TM9SF4: variants seen among roughly 807,000 people sequenced by gnomAD.
TM9SF4 encodes dinucleotide oxidase disulfide thiol exchanger 3 superfamily member 4.
In TM9SF4, 26 loss-of-function variants were observed where a neutral mutation model predicts 90.4. The ratio of observed to expected loss-of-function variants is 0.29; its 90% CI spans 0.21 to 0.40. TM9SF4 has a LOEUF of 0.40. Among genes scored for constraint, TM9SF4 ranks in the 10% least tolerant of loss-of-function variants. The probability of loss-of-function intolerance (pLI) is 1.00; values close to 1 mark genes in which losing one functional copy is unlikely to be tolerated. For missense variants in TM9SF4, 549 were observed against 834.8 expected, an observed-to-expected ratio of 0.66 and a Z score of 4.22; for synonymous variants, 293 against 315.4, an observed-to-expected ratio of 0.93 and a Z score of 0.75.
rs2046678959 is a variant in TM9SF4, at chr20:32,141,552, C to T, written c.285C>T (p.Asn95=). The change falls in exon 4 of 18, where the codon AAC becomes AAT. Residue 95 remains asparagine (N), a synonymous_variant. Transcript: ENST00000398022. The stretch of plus-strand genomic sequence containing the variant: ...ACACCCCTTTCCAGGTTCTCATGAA[C>T]AGCGAGAAGAAGTGTGAAGTTCTGT... ...IVNTPFQVLM[N]SEKKCEVLCS... is the part of the protein sequence containing the mutation. 5.6e-6 allele frequency: 9 copies of T among 1,613,958 alleles called. No individual in the cohort carries two copies. Among genetic ancestry groups the T allele is most frequent in the African/African-American group, 2.7e-5 (2 of 74,894 alleles).
chr20:32,140,116 A>T (rs2046650554), intron 3 of TM9SF4, among the ~76,000 whole-genome samples: 1 of 151,842 alleles, frequency 6.6e-6, no homozygotes, highest in East Asian at 1.9e-4. Flanking sequence ...TGACTAGATG[A>T]CTAGGGAGAG....
At chr20:32,147,183 G>A (rs1414549942) in intron 9 of TM9SF4, among the ~76,000 whole-genome samples, 3 of 151,982 alleles carry the variant, frequency 2.0e-5, no homozygotes, top group Non-Finnish European at 4.4e-5. Flanking sequence ...GGTTTGCCAT[G>A]TTAGCCAGGA....
chr20:32,128,313 C>T (rs1047723668), intron 1 of TM9SF4, among the ~76,000 whole-genome samples: 1 of 152,208 alleles, frequency 6.6e-6, no homozygotes, highest in African/African-American at 2.4e-5. Context: ...ACACTTCTAC[C>T]TAAGCAGTGG....
intron 1 of TM9SF4, among the ~76,000 whole-genome samples, chr20:32,131,481 A>AGTGTGT (rs10524812): frequency 0.14 from 20,437 of 147,534 alleles, 1,562 homozygotes; most frequent in East Asian, 0.21. Flanking sequence ...GAGTCATCAG[A>AGTGTGT]GTGTGTGTGT....
intron 1 of TM9SF4, 120 bp downstream of exon 1, chr20:32,109,875 G>A: frequency 6.6e-7 from 1 of 1,525,176 alleles, no homozygotes; most frequent in South Asian, 1.2e-5. Context: ...TCAGGCCTGA[G>A]GGCTACCTCT....
At chr20:32,138,981 T>C (rs1246508847) in intron 3 of TM9SF4, among the ~76,000 whole-genome samples, 2 of 152,242 alleles carry the variant, frequency 1.3e-5, no homozygotes, top group Non-Finnish European at 2.9e-5. Flanking sequence ...GATATCTTAC[T>C]GTGTCCTCGC....
chr20:32,164,276 C>G (rs945866536), intron 17 of TM9SF4, among the ~76,000 whole-genome samples: 1 of 151,758 alleles, frequency 6.6e-6, no homozygotes, highest in African/African-American at 2.4e-5. Flanking sequence ...ATAATCCTAG[C>G]GTTTTCAGAG....
At chr20:32,164,909 TGG>T (rs2047078223) in intron 17 of TM9SF4, among the ~76,000 whole-genome samples, 1 of 152,174 alleles carries the variant, frequency 6.6e-6, no homozygotes, top group Admixed American at 6.5e-5. Context: ...GGCGGGCTGA[TGG>T]GGCTCCTGGT....
intron 1 of TM9SF4, 117 bp downstream of exon 1, chr20:32,109,872 T>G: frequency 6.5e-7 from 1 of 1,530,482 alleles, no homozygotes; most frequent in South Asian, 1.2e-5. Flanking sequence ...GACTCAGGCC[T>G]GAGGGCTACC....
At chr20:32,125,503 C>A (rs1268840018) in intron 1 of TM9SF4, among the ~76,000 whole-genome samples, 2 of 152,108 alleles carry the variant, frequency 1.3e-5, no homozygotes, top group Non-Finnish European at 2.9e-5. Flanking sequence ...CTTCTGGGAA[C>A]TTGCTAGAAG....
rs757778701 is a variant in TM9SF4 at position 32,133,088 on chromosome 20, C to T, written c.91C>T (p.Pro31Ser). The change falls in exon 2 of 18, where the codon CCT (proline) becomes TCT (serine). Residue 31 changes from proline to serine, a missense_variant. Pro to Ser is a moderately conservative substitution (Grantham distance 74, BLOSUM62 -1). This residue lies in a region of TM9SF4 where 495 missense variants were observed against 711.7 expected (regional missense o/e 0.70). Transcript: ENST00000398022. ...TSAFYVPGVAPINFHQNDPVE... is the reference protein window; with the variant it reads ...TSAFYVPGVASINFHQNDPVE... The stretch of plus-strand genomic sequence containing the variant: ...CGCCTTCTATGTGCCTGGGGTCGCG[C>T]CTATCAACTTCCACCAGAACGATCC... 10 of 1,614,040 alleles carry T rather than the reference C, an allele frequency of 6.2e-6. No homozygotes were observed. Among genetic ancestry groups the T allele is most frequent in the Non-Finnish European group, 5.9e-6 (7 of 1,180,048 alleles).
At chr20:32,164,884 A>G (rs1443209373) in intron 17 of TM9SF4, among the ~76,000 whole-genome samples, 1 of 152,166 alleles carries the variant, frequency 6.6e-6, no homozygotes, top group African/African-American at 2.4e-5. Flanking sequence ...GAAGAGAGGA[A>G]TGAATGGAGG....
chr20:32,143,241 C>G (rs1220986551), intron 6 of TM9SF4, 136 bp downstream of exon 6: 1 of 1,119,832 alleles, frequency 8.9e-7, no homozygotes, highest in African/African-American at 1.6e-5. Context: ...AAGGTAGGAT[C>G]ATGGTATTCT....
intron 6 of TM9SF4, among the ~76,000 whole-genome samples, chr20:32,144,807 G>A (rs374657713): frequency 2.6e-5 from 4 of 152,308 alleles, no homozygotes; most frequent in South Asian, 4.1e-4. Context: ...CAGCTACTCC[G>A]GAAGCTGAAG....
intron 16 of TM9SF4, chr20:32,160,949 CAAAAAAAAAAAAAAAA>C (rs34767421): frequency 2.7e-5 from 1 of 37,272 alleles, no homozygotes; most frequent in Non-Finnish European, 5.1e-5. Context: ...GACTCCATCT[CAAAAAAAAAAAAAAAA>C]AAAAAAAAAA....
rs2046826428 is a variant in TM9SF4 at position 32,150,497 on chromosome 20, C to T, written c.1088-125C>T. 2.9e-6 allele frequency: 3 copies of T among 1,039,460 alleles called. No individual in the cohort carries two copies. The Admixed American group carries it at 5.7e-5, about 20-fold the overall frequency. The allele number at this position is 1,039,460 out of a possible 1,614,324, so 64.4% of individuals were successfully genotyped here. On this transcript the variant is annotated intron_variant, in intron 10 of 17. Transcript: ENST00000398022. ...TGTTGAGAAGACAAGGGAGGGGGAG[C>T]CTCATCTGCCCAGAGTCCTCCTGTC...
chr20:32,127,230 A>G (rs2046435854), intron 1 of TM9SF4, among the ~76,000 whole-genome samples: 1 of 152,210 alleles, frequency 6.6e-6, no homozygotes, highest in African/African-American at 2.4e-5. Flanking sequence ...GACAGAACCT[A>G]GAATTGTGCT....
intron 3 of TM9SF4, among the ~76,000 whole-genome samples, chr20:32,139,938 A>G (rs1372779371): frequency 5.9e-5 from 9 of 151,876 alleles, no homozygotes; most frequent in Admixed American, 1.3e-4. Flanking sequence ...TCCTAGACCC[A>G]CTCCCCTGTG....
chr20:32,150,768 C>T (rs1170827312), intron 11 of TM9SF4, 32 bp from the exon 12 acceptor site: 3 of 1,614,094 alleles, frequency 1.9e-6, no homozygotes, highest in Non-Finnish European at 2.5e-6. Context: ...TAATGGGTCC[C>T]CTTGGTGTGG....
Sources: allele counts gnomAD v4.1 joint callset (sites outside exome capture counted in the v4.1 genomes callset), GRCh38; gene constraint gnomAD v4.1.1; regional missense constraint gnomAD v4.1.1; transcripts MANE v1.5; gene names NCBI Gene and HGNC (gene_info 2026-07-23, HGNC 2026-07-21).